FSTL5: variants seen among roughly 807,000 people sequenced by gnomAD.
FSTL5 encodes the protein follistatin-related protein 5.
FSTL5 carries 62 observed loss-of-function variants against 89.1 expected under a neutral mutation model. That is an observed-to-expected ratio of 0.70 (90% CI 0.57 to 0.86). The LOEUF (loss-of-function observed/expected upper bound fraction) is 0.86. Ranked by LOEUF, FSTL5 falls within the 40% of genes least tolerant of loss-of-function variation. FSTL5 has a pLI of 0.00. For missense variants in FSTL5, 1,057 were observed against 1,001.6 expected, an observed-to-expected ratio of 1.06 and a Z score of -0.75; for synonymous variants, 383 against 346.2, an observed-to-expected ratio of 1.11 and a Z score of -1.18.
intron 15 of FSTL5, among the ~76,000 whole-genome samples, chr4:161,428,572 C>G (rs1380353293): frequency 1.3e-5 from 2 of 152,180 alleles, no homozygotes; most frequent in Non-Finnish European, 2.9e-5. Flanking sequence ...CTCTCAGGCC[C>G]CCATTCCAGG....
intron 4 of FSTL5, among the ~76,000 whole-genome samples, chr4:161,816,307 T>C (rs1471709966): frequency 6.6e-6 from 1 of 152,266 alleles, no homozygotes; most frequent in Admixed American, 6.5e-5. Context: ...TGAAGTACTA[T>C]GTAGTTAATT....
chr4:161,599,949 T>C (rs1246697370), intron 7 of FSTL5, among the ~76,000 whole-genome samples: 1 of 151,950 alleles, frequency 6.6e-6, no homozygotes, highest in Non-Finnish European at 1.5e-5. Context: ...ATCATTCCTA[T>C]CTATATTATT....
chr4:162,090,810 AACACAC>A (rs750164662), intron 2 of FSTL5, among the ~76,000 whole-genome samples: 1 of 151,006 alleles, frequency 6.6e-6, no homozygotes, highest in Admixed American at 6.6e-5. Flanking sequence ...CAGAGCCAGA[AACACAC>A]ACACACACAC....
chr4:161,407,286 G>A lies in FSTL5; in HGVS notation c.1842-20837C>T, dbSNP rs565762020. Reference sequence around the variant, plus strand: ...GATACACTATATTATTTAGCAAGATGGCCAAGTAGATGCATACAGGAAGTG... The same window carrying A: ...GATACACTATATTATTTAGCAAGATAGCCAAGTAGATGCATACAGGAAGTG... On this transcript the variant is annotated intron_variant, in intron 15 of 15. Coordinates refer to ENST00000306100, the MANE Select transcript of FSTL5 (RefSeq NM_020116.5). Among the ~76,000 whole-genome samples, 8 of 152,270 alleles carry A rather than the reference G, an allele frequency of 5.3e-5. No individual in the cohort carries two copies. The East Asian group carries it at 1.2e-3, about 22-fold the overall frequency.
intron 7 of FSTL5, among the ~76,000 whole-genome samples, chr4:161,615,869 A>T (rs1157926914): frequency 6.6e-6 from 1 of 152,146 alleles, no homozygotes; most frequent in African/African-American, 2.4e-5. Flanking sequence ...AAAATATAAA[A>T]CCCTTTAATA....
intron 15 of FSTL5, among the ~76,000 whole-genome samples, chr4:161,403,080 C>T (rs1005275450): frequency 9.9e-5 from 15 of 152,132 alleles, no homozygotes; most frequent in East Asian, 3.9e-4. Context: ...TCGCCTGCCT[C>T]GGCCTCCCAA....
chr4:162,021,870 A>C (rs1737098422), intron 3 of FSTL5, among the ~76,000 whole-genome samples: 1 of 152,070 alleles, frequency 6.6e-6, no homozygotes. Flanking sequence ...AGGCGGGTGG[A>C]TCACGAGGTC....
At chr4:161,864,762 C>G (rs1401477904) in intron 4 of FSTL5, among the ~76,000 whole-genome samples, 1 of 150,464 alleles carries the variant, frequency 6.6e-6, no homozygotes, top group Non-Finnish European at 1.5e-5. Context: ...GTCCCAGTTA[C>G]TCGGGAGGCC....
intron 8 of FSTL5, among the ~76,000 whole-genome samples, chr4:161,581,349 C>A (rs767626793): frequency 6.6e-6 from 1 of 152,214 alleles, no homozygotes; most frequent in Non-Finnish European, 1.5e-5. Flanking sequence ...TTCTCACTCT[C>A]TCATTTATTA....
intron 3 of FSTL5, among the ~76,000 whole-genome samples, chr4:161,967,941 C>T (rs1407533754): frequency 1.3e-5 from 2 of 151,834 alleles, no homozygotes; most frequent in African/African-American, 4.8e-5. Flanking sequence ...GATAATTTCC[C>T]CCAGGAGTTT....
chr4:161,390,618 T>C (rs1457202531), intron 15 of FSTL5, among the ~76,000 whole-genome samples: 2 of 152,044 alleles, frequency 1.3e-5, no homozygotes, highest in African/African-American at 4.8e-5. Flanking sequence ...TCCTATTCTC[T>C]TTTCAAATTA....
At chr4:162,079,570 C>T (rs1373567192) in intron 2 of FSTL5, among the ~76,000 whole-genome samples, 2 of 151,442 alleles carry the variant, frequency 1.3e-5, no homozygotes, top group Admixed American at 1.3e-4. Flanking sequence ...TGCCCTTAAA[C>T]TCGCATATGT....
intron 2 of FSTL5, among the ~76,000 whole-genome samples, chr4:162,062,515 C>T (rs1048875751): frequency 2.0e-5 from 3 of 151,792 alleles, no homozygotes; most frequent in African/African-American, 7.2e-5. Flanking sequence ...TACTTATCTT[C>T]CCTCTTACAT....
At chr4:162,089,912 T>C (rs1259072653) in intron 2 of FSTL5, among the ~76,000 whole-genome samples, 1 of 152,172 alleles carries the variant, frequency 6.6e-6, no homozygotes, top group African/African-American at 2.4e-5. Flanking sequence ...TAAAAAATTT[T>C]GTGGATACAT....
intron 1 of FSTL5, among the ~76,000 whole-genome samples, chr4:162,112,117 A>T (rs1444284768): frequency 6.6e-6 from 1 of 152,166 alleles, no homozygotes; most frequent in East Asian, 1.9e-4. Flanking sequence ...AAACATACAA[A>T]TCTAAGCTTT....
intron 4 of FSTL5, among the ~76,000 whole-genome samples, chr4:161,877,423 A>ATAG (rs5863495): frequency 0.86 from 128,755 of 150,502 alleles, 56,243 homozygotes; most frequent in East Asian, 0.98. Flanking sequence ...TACAGATAAA[A>ATAG]TAGAAAAAAT....
At chr4:162,014,580 C>T (rs1306191786) in intron 3 of FSTL5, among the ~76,000 whole-genome samples, 1 of 152,092 alleles carries the variant, frequency 6.6e-6, no homozygotes, top group Non-Finnish European at 1.5e-5. Flanking sequence ...AAGCATAACA[C>T]AAAAGGGATA....
chr4:161,919,682 G>A (rs1432081334), intron 4 of FSTL5, among the ~76,000 whole-genome samples: 2 of 152,152 alleles, frequency 1.3e-5, no homozygotes, highest in Non-Finnish European at 2.9e-5. Context: ...ACTGAGTCAT[G>A]ACTATAAACG....
At chr4:161,550,797 T>C (rs561447878) in intron 8 of FSTL5, among the ~76,000 whole-genome samples, 2 of 151,822 alleles carry the variant, frequency 1.3e-5, no homozygotes, top group Admixed American at 6.6e-5. Flanking sequence ...TGTGATCTCA[T>C]TGTTTAATTC....
Sources: gnomAD v4.1 joint callset for allele counts (sites outside exome capture counted in the v4.1 genomes callset) on GRCh38, gnomAD v4.1.1 for gene constraint, MANE v1.5 for transcripts, NCBI Gene and HGNC (gene_info 2026-07-23, HGNC 2026-07-21) for gene names.